DCHS2: variants seen among roughly 807,000 people sequenced by gnomAD.
DCHS2 encodes the protein dachsous cadherin-related 2.
A neutral mutation model predicts 182.4 loss-of-function variants in DCHS2; 142 were observed. That is an observed-to-expected ratio of 0.78 (90% CI 0.68 to 0.89). DCHS2 has a LOEUF of 0.89. Among genes scored for constraint, DCHS2 ranks in the 40% least tolerant of loss-of-function variants. The pLI is 0.00. For synonymous variants in DCHS2, 1,740 were observed against 1,663.3 expected (o/e 1.05, Z -1.12); for missense variants, 4,319 against 4,198.6 (o/e 1.03, Z -0.79).
intron 1 of DCHS2, among the ~76,000 whole-genome samples, chr4:154,444,895 C>T (rs1734209302): frequency 6.6e-6 from 1 of 152,166 alleles, no homozygotes; most frequent in Non-Finnish European, 1.5e-5. Flanking sequence ...GTTCTGCAAA[C>T]CCAGCCAGCA....
chr4:154,431,352 T>C (rs1374747546), intron 1 of DCHS2, among the ~76,000 whole-genome samples: 1 of 152,172 alleles, frequency 6.6e-6, no homozygotes, highest in Non-Finnish European at 1.5e-5. Context: ...ATAAAACTTA[T>C]ATCATAAGCG....
In DCHS2 at chr4:154,259,500, C is replaced by CCACA. The variant is rs147630053; in HGVS notation, c.6789+41_6789+44dup. The CCACA allele has an allele frequency of 9.7e-3, 13,646 of 1,409,706 alleles. 150 individuals are homozygous for CCACA. In the East Asian group the frequency reaches 0.16, roughly 16 times the overall value. 87.3% of individuals were successfully genotyped at this position (1,409,706 alleles called of 1,614,324 possible). A position where few individuals can be genotyped will look rare whatever the true frequency, so the allele number is the denominator to read the frequency against. ...CTCTCTCTCTCTCACACAGACACAC[C>CCACA]CACACACACACACACACACACACAC... On this transcript the variant is annotated intron_variant, in intron 15 of 19. Transcript: ENST00000357232.
chr4:154,400,030 G>A (rs1579047676), intron 1 of DCHS2, among the ~76,000 whole-genome samples: 2 of 152,212 alleles, frequency 1.3e-5, no homozygotes, highest in African/African-American at 2.4e-5. Flanking sequence ...ACGGCCGGGC[G>A]CGGTGGCTCA....
intron 10 of DCHS2, among the ~76,000 whole-genome samples, chr4:154,306,972 G>GT (rs1164583866): frequency 5.9e-5 from 9 of 151,840 alleles, no homozygotes; most frequent in Non-Finnish European, 1.3e-4. Flanking sequence ...TTCTATACAG[G>GT]TTTTTTATCC....
intron 1 of DCHS2, among the ~76,000 whole-genome samples, chr4:154,423,747 T>C (rs904883937): frequency 6.6e-5 from 10 of 152,268 alleles, no homozygotes; most frequent in African/African-American, 2.4e-4. Context: ...ACGCTTTTCT[T>C]ATATGCATAT....
intron 1 of DCHS2, among the ~76,000 whole-genome samples, chr4:154,455,896 C>A (rs957770185): frequency 3.3e-5 from 5 of 152,056 alleles, no homozygotes; most frequent in African/African-American, 1.2e-4. Flanking sequence ...TCGAGCCCAG[C>A]CTGGCCAACA....
At chr4:154,365,682 C>G (rs1211395505) in intron 3 of DCHS2, among the ~76,000 whole-genome samples, 2 of 151,600 alleles carry the variant, frequency 1.3e-5, no homozygotes, top group Admixed American at 1.3e-4. Context: ...GACGGAGTCT[C>G]TCTGTCACCC....
chr4:154,308,041 T>C (rs1735519285), intron 10 of DCHS2, among the ~76,000 whole-genome samples: 1 of 152,176 alleles, frequency 6.6e-6, no homozygotes, highest in African/African-American at 2.4e-5. Flanking sequence ...TATCCTTCTC[T>C]AGCTATAAGA....
Position 154,491,783 on chromosome 4 carries a change from G to T in DCHS2, c.-428C>A. The T allele has an allele frequency of 1.0e-6, 1 of 991,902 alleles. No individual in the cohort carries two copies. Among genetic ancestry groups the T allele is most frequent in the Non-Finnish European group, 1.2e-6 (1 of 834,622 alleles). 61.4% of individuals were successfully genotyped at this position (991,902 alleles called of 1,614,324 possible). A position where few individuals can be genotyped will look rare whatever the true frequency, so the allele number is the denominator to read the frequency against. ...ACAAGGAGAGGATGGGGATCTGGCC[G>T]GAGTAGGGGGTGGAGTAAGGGCGTG... On this transcript the variant is annotated 5_prime_UTR_variant, in exon 1 of 20. Coordinates refer to ENST00000357232, the MANE Select transcript of DCHS2 (RefSeq NM_001358235.2).
chr4:154,463,103 GTACATACTTATGTATATACATAAGTATA>G (rs573812383), intron 1 of DCHS2, among the ~76,000 whole-genome samples: 4 of 150,498 alleles, frequency 2.7e-5, no homozygotes, highest in African/African-American at 7.3e-5. Context: ...GTATACATAT[GTACATACTTATGTATATACATAAGTATA>G]TACATACTTA....
chr4:154,343,751 C>G (rs1434207407), intron 3 of DCHS2: 2 of 1,078,026 alleles, frequency 1.9e-6, no homozygotes, highest in Non-Finnish European at 2.4e-6. Flanking sequence ...TCTGACTCAG[C>G]AATGAGTCTC....
chr4:154,489,752 T>C lies in DCHS2; in HGVS notation c.1604A>G (p.Gln535Arg), dbSNP rs981143709. The C allele has an allele frequency of 1.9e-5, 29 of 1,551,400 alleles. No individual in the cohort carries two copies. The highest frequency in any genetic ancestry group is 1.4e-4 in the Admixed American group (7 of 50,986). ...ATGCTGTTGGCTGAAGAGAGGTGGT[T>C]GGTCATTGAGGTCAGCGACCCGGAG... ...LLLRVADLND[Q>R]PPLFSQQHYK... is the part of the protein sequence containing the mutation. Residue 535 changes from glutamine to arginine, a missense_variant, in exon 1 of 20, where the codon CAA (glutamine) becomes CGA (arginine). Physicochemically the swap from Gln to Arg is conservative, Grantham distance 43. Coordinates refer to ENST00000357232, the MANE Select transcript of DCHS2 (RefSeq NM_001358235.2).
intron 3 of DCHS2, among the ~76,000 whole-genome samples, chr4:154,339,583 A>G (rs1728968617): frequency 6.6e-6 from 1 of 151,582 alleles, no homozygotes; most frequent in African/African-American, 2.4e-5. Flanking sequence ...CTGAGTAGCT[A>G]GGACTACAGG....
chr4:154,377,397 A>G lies in DCHS2; in HGVS notation c.2100T>C (p.Tyr700=). The G allele has an allele frequency of 6.2e-7, 1 of 1,613,550 alleles. No homozygotes were observed. Among genetic ancestry groups the G allele is most frequent in the South Asian group, 1.1e-5 (1 of 91,054 alleles). ...AGCTCAGGAATCCATCATAAAGAGAATATTCAATAAAGCCATAGAGTCCTG... is the reference window on the plus strand; with the variant it reads ...AGCTCAGGAATCCATCATAAAGAGAGTATTCAATAAAGCCATAGAGTCCTG... ...ADSGLYGFIE[Y]SLYDGFLSYE... The change falls in exon 2 of 20, where the codon TAT becomes TAC. Residue 700 remains tyrosine (Y), a synonymous_variant. Coordinates refer to ENST00000357232, the MANE Select transcript of DCHS2 (RefSeq NM_001358235.2).
At chr4:154,460,012 A>T (rs1734947267) in intron 1 of DCHS2, among the ~76,000 whole-genome samples, 1 of 152,160 alleles carries the variant, frequency 6.6e-6, no homozygotes, top group Non-Finnish European at 1.5e-5. Flanking sequence ...CAATATTATT[A>T]GCATGAATAG....
intron 3 of DCHS2, among the ~76,000 whole-genome samples, chr4:154,357,666 C>G (rs1234922814): frequency 6.6e-6 from 1 of 152,150 alleles, no homozygotes; most frequent in Non-Finnish European, 1.5e-5. Context: ...AATAATCCTG[C>G]CTTTCTTTAC....
Position 154,489,897 on chromosome 4 carries a change from C to G in DCHS2, c.1459G>C (p.Gly487Arg), listed in dbSNP as rs1214511192. 6.5e-7 allele frequency: 1 copy of G among 1,540,762 alleles called. No homozygotes were observed. The highest frequency in any genetic ancestry group is 2.0e-5 in the Admixed American group (1 of 50,122). ...CCCTCCACGCAAAGGAAAAATACCC[C>G]TGGGGGGCCGCCGGGTAGCAACGCG... ...DFALLPGGPP[G>R]VFFLCVEGPL... The change falls in exon 1 of 20, where the codon GGG becomes CGG. Residue 487 changes from glycine to arginine, a missense_variant. Physicochemically the swap from Gly to Arg is moderately radical, Grantham distance 125 (BLOSUM62 -2). Coordinates refer to ENST00000357232, the MANE Select transcript of DCHS2 (RefSeq NM_001358235.2).
At chr4:154,256,625 T>C (rs75441309) in intron 15 of DCHS2, among the ~76,000 whole-genome samples, 6,879 of 152,232 alleles carry the variant, frequency 0.045, 481 homozygotes, top group African/African-American at 0.16. Context: ...TTAGTGGATT[T>C]GGTATCTTGA....
chr4:154,343,562 A>G, intron 3 of DCHS2: 1 of 1,528,182 alleles, frequency 6.5e-7, no homozygotes, highest in Non-Finnish European at 8.8e-7. Context: ...GGTAATGGAG[A>G]TGGCGTCTTC....
Sources: allele counts gnomAD v4.1 joint callset (sites outside exome capture counted in the v4.1 genomes callset), GRCh38; gene constraint gnomAD v4.1.1; transcripts MANE v1.5; gene names NCBI Gene and HGNC (gene_info 2026-07-23, HGNC 2026-07-21).